MYBBP1A: variants seen among roughly 807,000 people sequenced by gnomAD.
MYBBP1A encodes myb-binding protein 1A.
In MYBBP1A, 147 loss-of-function variants were observed where a neutral mutation model predicts 136.3. The ratio of observed to expected loss-of-function variants is 1.08; its 90% confidence interval spans 0.94 to 1.24. MYBBP1A has a LOEUF of 1.24. Among genes scored for constraint, MYBBP1A ranks in the 50% most tolerant of loss-of-function variants. The probability of loss-of-function intolerance (pLI) is 0.00; values close to 1 mark genes in which losing one functional copy is unlikely to be tolerated. For synonymous variants in MYBBP1A, 947 were observed against 735.8 expected, an observed-to-expected ratio of 1.29 and a Z score of -4.65; for missense variants, 2,060 against 1,727.4, an observed-to-expected ratio of 1.19 and a Z score of -3.41.
rs773840677 is a variant in MYBBP1A, at chr17:4,548,529, G to A, written c.1551C>T (p.Phe517=). ...NQAREAVSSA[F]FSLLQTLSTQ... Reference sequence around the variant, plus strand: ...CTGGGCTGCCCAAGACTCACCTGAAGAAGGCACTGCTGACAGCCTCTCGGG... The same window carrying A: ...CTGGGCTGCCCAAGACTCACCTGAAAAAGGCACTGCTGACAGCCTCTCGGG... Residue 517 remains phenylalanine (F), a synonymous_variant, in exon 11 of 26, where the codon TTC becomes TTT. Coordinates refer to ENST00000254718, the MANE Select transcript of MYBBP1A (RefSeq NM_014520.4). The surrounding 1 kb of genome is among the most constrained non-coding windows in gnomAD (Gnocchi z 4.2). The A allele has an allele frequency of 8.7e-6, 14 of 1,614,096 alleles. 1 individual carries two copies. In the South Asian group the frequency reaches 1.3e-4, roughly 15 times the overall value.
Position 4,543,010 on chromosome 17 carries a change from C to G in MYBBP1A, c.2795G>C (p.Arg932Pro). The G allele has an allele frequency of 6.2e-7, 1 of 1,613,944 alleles. No homozygotes were observed. Among genetic ancestry groups the G allele is most frequent in the Non-Finnish European group, 8.5e-7 (1 of 1,179,990 alleles). Residue 932 changes from arginine (R) to proline (P), a missense_variant, in exon 20 of 26, where the codon CGG (arginine) becomes CCG (proline). Arg to Pro is a moderately radical substitution (Grantham distance 103). Coordinates refer to ENST00000254718, the MANE Select transcript of MYBBP1A (RefSeq NM_014520.4). ...YHFNASLYLLRVLKGNTAEGC... is the reference protein window; with the variant it reads ...YHFNASLYLLPVLKGNTAEGC... Reference sequence around the variant, plus strand: ...CTCAGCAGTGTTGCCCTTCAAGACCCGGAGCAGGTAGAGAGAGGCGTTGAA... The same window carrying G: ...CTCAGCAGTGTTGCCCTTCAAGACCGGGAGCAGGTAGAGAGAGGCGTTGAA...
Position 4,544,631 on chromosome 17 carries a change from CCACCAGGTCCAGCACCTG to C in MYBBP1A, c.2482-3_2496del. On this transcript the variant is annotated splice_acceptor_variant and splice_polypyrimidine_tract_variant and coding_sequence_variant and intron_variant, in exon 19 of 26. Coordinates refer to ENST00000254718, the MANE Select transcript of MYBBP1A (RefSeq NM_014520.4). LOFTEE classifies it high-confidence loss of function. The stretch of plus-strand genomic sequence containing the variant: ...TCGGGCTGCTTGGTCACTAGCACCT[CCACCAGGTCCAGCACCTG>C]CAGCCAGGAGGGCAGGTCAGCAACA... 3.1e-6 allele frequency: 5 copies of C among 1,589,940 alleles called. No homozygotes were observed. Among genetic ancestry groups the C allele is most frequent in the Non-Finnish European group, 4.3e-6 (5 of 1,167,548 alleles).
intron 17 of MYBBP1A, 51 bp from the exon 18 acceptor site, chr17:4,544,972 A>AT: frequency 6.4e-7 from 1 of 1,552,526 alleles, no homozygotes. Context: ...GGCACACAAC[A>AT]TGGGGACACC....
rs372391022 is a variant in MYBBP1A at position 4,554,375 on chromosome 17, C to T, written c.295-97G>A. 6.7e-6 allele frequency: 7 copies of T among 1,048,072 alleles called. No homozygotes were observed. In the East Asian group the frequency reaches 7.3e-5, roughly 11 times the overall value. The allele number at this position is 1,048,072 out of a possible 1,614,324, so 64.9% of individuals were successfully genotyped here. A position where few individuals can be genotyped will look rare whatever the true frequency, so the allele number is the denominator to read the frequency against. ...CCTCCCTTCCCCCTTCAACTTCTCC[C>T]AAGAAGCCTCAGGTCCCTAGTCCCA... On this transcript the variant is annotated intron_variant, in intron 2 of 25. Transcript: ENST00000254718.
chr17:4,541,611 G>C (rs1383773725), intron 23 of MYBBP1A, 47 bp from the exon 24 acceptor site: 1 of 1,583,708 alleles, frequency 6.3e-7, no homozygotes. Context: ...GCTGCTCAAA[G>C]CCTTTCTGTT....
intron 2 of MYBBP1A, among the ~76,000 whole-genome samples, 185 bp downstream of exon 2, chr17:4,554,676 C>T (rs891094637): frequency 6.6e-6 from 1 of 152,172 alleles, no homozygotes; most frequent in Non-Finnish European, 1.5e-5. Flanking sequence ...CCTGGCCAGG[C>T]CTTGCTCACA....
intron 10 of MYBBP1A, 50 bp downstream of exon 10, chr17:4,549,282 T>C: frequency 6.4e-7 from 1 of 1,570,458 alleles, no homozygotes; most frequent in Non-Finnish European, 8.6e-7. Context: ...AGGGGCCCCA[T>C]TCCTTGGCCA....
chr17:4,547,514 C>T (rs141674368), intron 13 of MYBBP1A, among the ~76,000 whole-genome samples: 8 of 152,282 alleles, frequency 5.3e-5, no homozygotes, highest in Admixed American at 1.3e-4. Flanking sequence ...CCTAAAGCAG[C>T]CCCAATAAGA....
Position 4,544,112 on chromosome 17 carries a change from GTGTCCCCTGCCACAGGTGCACCCAC to G in MYBBP1A, c.2639+352_2639+376del, listed in dbSNP as rs558066059. Among the ~76,000 whole-genome samples the G allele has an allele frequency of 2.2e-3, 336 of 152,196 alleles. 1 individual carries two copies. Among genetic ancestry groups the G allele is most frequent in the African/African-American group, 7.3e-3 (303 of 41,512 alleles). On this transcript the variant is annotated intron_variant, in intron 19 of 25. Transcript: ENST00000254718. ...ACTACACCTCCGAGGACTGGGTTGG[GTGTCCCCTGCCACAGGTGCACCCAC>G]TGTCCCCCTCCACCCCAGCACAGCC...
intron 24 of MYBBP1A, 119 bp from the exon 25 acceptor site, chr17:4,540,603 G>C: frequency 8.1e-7 from 1 of 1,230,126 alleles, no homozygotes; most frequent in Non-Finnish European, 1.1e-6. Context: ...CCCTTCCTGG[G>C]CCTCAGCCTC....
At chr17:4,555,069 C>A in intron 1 of MYBBP1A, 58 bp downstream of exon 1, 1 of 1,570,916 alleles carries the variant, frequency 6.4e-7, no homozygotes, top group Admixed American at 1.8e-5. Flanking sequence ...TCCCTGGGCC[C>A]GCCGCCGCTT....
intron 22 of MYBBP1A, 188 bp from the exon 23 acceptor site, chr17:4,542,079 A>G: frequency 1.7e-6 from 1 of 600,014 alleles, no homozygotes; most frequent in South Asian, 2.0e-5. Context: ...AAGGCCTCCC[A>G]GCTGGATAGA....
At position 4,550,114 on chromosome 17, in the gene MYBBP1A, G is replaced by A. The variant is rs142505350; in HGVS notation, c.1263C>T (p.Ser421=). The A allele has an allele frequency of 7.2e-5, 116 of 1,614,044 alleles. No homozygotes were observed. In the African/African-American group the frequency reaches 1.4e-3, roughly 19 times the overall value. ...RAMFLQPDLD[S]LVDFSTNNQK... is the part of the protein sequence containing the mutation. ...GGTTGTTGGTGCTGAAGTCAACCAAGGAGTCCAGGTCTGGCTGGAGAAACA... is the reference window on the plus strand; with the variant it reads ...GGTTGTTGGTGCTGAAGTCAACCAAAGAGTCCAGGTCTGGCTGGAGAAACA... Residue 421 remains serine (S), a synonymous_variant, in exon 9 of 26, where the codon TCC becomes TCT. Coordinates refer to ENST00000254718, the MANE Select transcript of MYBBP1A (RefSeq NM_014520.4).
chr17:4,539,875 G>A lies in MYBBP1A; in HGVS notation c.3527C>T (p.Pro1176Leu), dbSNP rs770111116. Residue 1176 changes from proline (P) to leucine (L), a missense_variant, in exon 26 of 26, where the codon CCA (proline) becomes CTA (leucine). Transcript: ENST00000254718. ...SKKRKKKGFL[P>L]ETKKRKKRKS... ...GCGTTTCTTGCGCTTCTTCGTCTCT[G>A]GCAAGAATCCCTTTTTCTTCCGCTT... 20 of 1,604,374 alleles carry A rather than the reference G, an allele frequency of 1.2e-5. No individual in the cohort carries two copies. Among genetic ancestry groups the A allele is most frequent in the Non-Finnish European group, 1.7e-5 (20 of 1,179,956 alleles).
At chr17:4,551,803 C>A in intron 8 of MYBBP1A, 77 bp downstream of exon 8, 1 of 1,329,704 alleles carries the variant, frequency 7.5e-7, no homozygotes, top group Non-Finnish European at 1.1e-6. Context: ...CCCCGAGGTG[C>A]CCTGCTCCCC....
intron 8 of MYBBP1A, 34 bp downstream of exon 8, chr17:4,551,846 T>A: frequency 1.3e-6 from 2 of 1,585,550 alleles, no homozygotes; most frequent in Non-Finnish European, 1.7e-6. Context: ...GTCTAGCCTT[T>A]CTGGCAGTGT....
chr17:4,546,446 T>A (rs890822753), intron 13 of MYBBP1A, among the ~76,000 whole-genome samples: 29 of 152,116 alleles, frequency 1.9e-4, no homozygotes, highest in African/African-American at 7.0e-4. Flanking sequence ...TTTTCACACC[T>A]AATACGCAGT....
At position 4,550,266 on chromosome 17, in the gene MYBBP1A, G is replaced by T. The variant is rs771137249; in HGVS notation, c.1111C>A (p.Leu371Met). ...GATGAGAAGGCCACTAGCACGGCCA[G>T]CTGCCGCTCAGGGTCATCCTGGCAC... Reference protein sequence around the residue: ...EGCQDDPERQLAVLVAFSSVT... With the variant: ...EGCQDDPERQMAVLVAFSSVT... Residue 371 changes from leucine (L) to methionine (M), a missense_variant, in exon 9 of 26, where the codon CTG becomes ATG. By Grantham distance (15) the Leu-to-Met change is conservative. Coordinates refer to ENST00000254718, the MANE Select transcript of MYBBP1A (RefSeq NM_014520.4). 1 of 1,613,502 alleles carries T rather than the reference G, an allele frequency of 6.2e-7. No homozygotes were observed. The highest frequency in any genetic ancestry group is 2.2e-5 in the East Asian group (1 of 44,882).
In MYBBP1A at chr17:4,549,459, C is replaced by A; in HGVS notation, c.1320-17G>T. ...CGCTCAGGCCTAGCGGGGCAGGAGG[C>A]GAGGTCATGTGAGCCACTTATAACT... On this transcript the variant is annotated splice_polypyrimidine_tract_variant and intron_variant, in intron 9 of 25. Coordinates refer to ENST00000254718, the MANE Select transcript of MYBBP1A (RefSeq NM_014520.4). 3 of 1,607,630 alleles carry A rather than the reference C, an allele frequency of 1.9e-6. No individual in the cohort carries two copies. Among genetic ancestry groups the A allele is most frequent in the Non-Finnish European group, 2.5e-6 (3 of 1,177,654 alleles).
Sources: gnomAD v4.1 joint callset for allele counts (sites outside exome capture counted in the v4.1 genomes callset) on GRCh38, gnomAD v4.1.1 for gene constraint, Gnocchi (gnomAD v3.1) non-coding constraint, MANE v1.5 for transcripts, NCBI Gene and HGNC (gene_info 2026-07-23, HGNC 2026-07-21) for gene names.